Variants in IL6R observed in about 807,000 individuals in gnomAD.
IL6R encodes interleukin 6 receptor.
A neutral mutation model predicts 48.3 loss-of-function variants in IL6R; 38 were observed. The observed-to-expected ratio is 0.79, with a 90% CI of 0.61 to 1.03. The LOEUF (loss-of-function observed/expected upper bound fraction) is 1.03. IL6R is among the 50% of genes least tolerant of loss of function. The pLI, the probability that IL6R is intolerant of heterozygous loss-of-function variation, is 0.00. For synonymous variants in IL6R, 264 were observed against 256.2 expected (o/e 1.03, Z -0.29); for missense variants, 534 against 618.3 (o/e 0.86, Z 1.45).
intron 1 of IL6R, among the ~76,000 whole-genome samples, chr1:154,427,806 A>C (rs1689061920): frequency 6.6e-6 from 1 of 151,872 alleles, no homozygotes; most frequent in African/African-American, 2.4e-5. Context: ...GCCACCTTGG[A>C]TGGGGTGAAA....
intron 1 of IL6R, among the ~76,000 whole-genome samples, chr1:154,410,951 T>C (rs1687985939): frequency 6.6e-6 from 1 of 152,252 alleles, no homozygotes; most frequent in Non-Finnish European, 1.5e-5. Context: ...TGTGATCTCA[T>C]GTAATCTTCA....
chr1:154,415,430 C>T (rs1688282742), intron 1 of IL6R, among the ~76,000 whole-genome samples: 1 of 152,206 alleles, frequency 6.6e-6, no homozygotes, highest in South Asian at 2.1e-4. Flanking sequence ...TTTAAATCTA[C>T]CAAATTCCTG....
At chr1:154,452,156 C>A (rs1398964203) in intron 8 of IL6R, among the ~76,000 whole-genome samples, 2 of 152,196 alleles carry the variant, frequency 1.3e-5, no homozygotes, top group Non-Finnish European at 2.9e-5. Context: ...CTAGTCTTAA[C>A]CCCCAACCAA....
At chr1:154,407,703 C>G (rs948268010) in intron 1 of IL6R, among the ~76,000 whole-genome samples, 1 of 152,150 alleles carries the variant, frequency 6.6e-6, no homozygotes, top group Non-Finnish European at 1.5e-5. Context: ...GTACAGCCTG[C>G]GGGGCTCTTA....
intron 2 of IL6R, 147 bp downstream of exon 2, chr1:154,429,591 A>G: frequency 1.1e-6 from 1 of 944,474 alleles, no homozygotes; most frequent in South Asian, 1.7e-5. Flanking sequence ...TCTGCCATCC[A>G]GATGCTGGCA....
chr1:154,449,867 G>T (rs767648341), intron 7 of IL6R, 44 bp from the exon 8 acceptor site: 29 of 1,271,450 alleles, frequency 2.3e-5, no homozygotes, highest in Middle Eastern at 1.8e-4. Context: ...GAATGATGGT[G>T]CAATCTGCAG....
intron 1 of IL6R, 67 bp from the exon 2 acceptor site, chr1:154,429,129 T>G (rs28730732): frequency 2.6e-6 from 4 of 1,552,532 alleles, no homozygotes; most frequent in Middle Eastern, 1.7e-4. Context: ...CGTGGCTTCC[T>G]CAGACCAGAA....
chr1:154,451,618 T>C (rs1189054431), intron 8 of IL6R, among the ~76,000 whole-genome samples: 1 of 152,076 alleles, frequency 6.6e-6, no homozygotes, highest in Non-Finnish European at 1.5e-5. Context: ...TTTCTTTTTT[T>C]TGAGACGGAG....
At chr1:154,421,982 T>G (rs1253197591) in intron 1 of IL6R, among the ~76,000 whole-genome samples, 1 of 151,856 alleles carries the variant, frequency 6.6e-6, no homozygotes, top group Non-Finnish European at 1.5e-5. Flanking sequence ...GTTTCACTTT[T>G]GTGGCCCAGG....
Position 154,430,489 on chromosome 1 carries a change from C to T in IL6R, c.341C>T (p.Pro114Leu). 1 of 1,613,602 alleles carries T rather than the reference C, an allele frequency of 6.2e-7. No individual in the cohort carries two copies. The highest frequency in any genetic ancestry group is 8.5e-7 in the Non-Finnish European group (1 of 1,179,898). ...GTVHLLVDVPPEEPQLSCFRK... is the reference protein window; with the variant it reads ...GTVHLLVDVPLEEPQLSCFRK... ...TGCAATGCTTTCCTTTCAGTTCCCC[C>T]CGAGGAGCCCCAGCTCTCCTGCTTC... The change falls in exon 3 of 10, where the codon CCC becomes CTC. Residue 114 changes from proline to leucine, a missense_variant. By Grantham distance (98) the Pro-to-Leu change is moderately conservative (BLOSUM62 -3). Coordinates refer to ENST00000368485, the MANE Select transcript of IL6R (RefSeq NM_000565.4).
chr1:154,457,154 C>T (rs1016039513), intron 9 of IL6R, among the ~76,000 whole-genome samples: 2 of 151,822 alleles, frequency 1.3e-5, no homozygotes, highest in Non-Finnish European at 2.9e-5. Context: ...GAAACTCCGT[C>T]TCTACTAAAA....
At chr1:154,457,802 C>A (rs1192253671) in intron 9 of IL6R, among the ~76,000 whole-genome samples, 3 of 152,120 alleles carry the variant, frequency 2.0e-5, no homozygotes, top group Non-Finnish European at 2.9e-5. Flanking sequence ...GCACTCTGTC[C>A]TTTCTACATG....
chr1:154,462,374 CT>C (rs34351697), intron 9 of IL6R, among the ~76,000 whole-genome samples: 173 of 137,138 alleles, frequency 1.3e-3, no homozygotes, highest in Non-Finnish European at 1.3e-3. Context: ...AAATCTCAGA[CT>C]TTTTTTTTTT....
chr1:154,465,401 G>A lies in IL6R; in HGVS notation c.*21G>A. The A allele has an allele frequency of 6.2e-7, 1 of 1,613,240 alleles. No individual in the cohort carries two copies. The highest frequency in any genetic ancestry group is 1.3e-5 in the African/African-American group (1 of 75,054). ...GATAGCTGGCTGGGTGGCACCAGCA[G>A]CCTGGACCCTGTGGATGATAAAACA... On this transcript the variant is annotated 3_prime_UTR_variant, in exon 10 of 10. Coordinates refer to ENST00000368485, the MANE Select transcript of IL6R (RefSeq NM_000565.4).
chr1:154,420,514 T>A (rs766583913), intron 1 of IL6R, among the ~76,000 whole-genome samples: 66 of 150,114 alleles, frequency 4.4e-4, no homozygotes, highest in Non-Finnish European at 8.0e-4. Context: ...TATTTTATTT[T>A]ATTTATTTAT....
At position 154,430,492 on chromosome 1, in the gene IL6R, A is replaced by T. The variant is rs749116155; in HGVS notation, c.344A>T (p.Glu115Val). ...TVHLLVDVPP[E>V]EPQLSCFRKS... is the part of the protein sequence containing the mutation. Reference sequence around the variant, plus strand: ...AATGCTTTCCTTTCAGTTCCCCCCGAGGAGCCCCAGCTCTCCTGCTTCCGG... The same window carrying T: ...AATGCTTTCCTTTCAGTTCCCCCCGTGGAGCCCCAGCTCTCCTGCTTCCGG... The change falls in exon 3 of 10, where the codon GAG (glutamate) becomes GTG (valine). Residue 115 changes from glutamate to valine, a missense_variant. Glu to Val is a moderately radical substitution (Grantham distance 121). Transcript: ENST00000368485. 9 of 1,613,490 alleles carry T rather than the reference A, an allele frequency of 5.6e-6. 1 individual carries two copies. In the South Asian group the frequency reaches 9.9e-5, roughly 18 times the overall value.
chr1:154,429,417 G>C lies in IL6R; in HGVS notation c.307G>C (p.Ala103Pro), dbSNP rs766108946. ...TTCATGCTACCGGGCCGGCCGCCCA[G>C]CTGGGACTGTGCACTTGCTGGTGGA... ...NYSCYRAGRP[A>P]GTVHLLVDVP... The change falls in exon 2 of 10, where the codon GCT (alanine) becomes CCT (proline). Residue 103 changes from alanine to proline, a missense_variant. Coordinates refer to ENST00000368485, the MANE Select transcript of IL6R (RefSeq NM_000565.4). The C allele has an allele frequency of 6.2e-7, 1 of 1,613,258 alleles. No individual in the cohort carries two copies. Among genetic ancestry groups the C allele is most frequent in the Non-Finnish European group, 8.5e-7 (1 of 1,179,340 alleles).
At chr1:154,414,825 G>A in intron 1 of IL6R, 2 of 749,874 alleles carry the variant, frequency 2.7e-6, no homozygotes, top group Non-Finnish European at 4.9e-6. Context: ...ACAGCAGGAA[G>A]AGGAGATTGA....
intron 3 of IL6R, 48 bp downstream of exon 3, chr1:154,430,654 G>A (rs372738779): frequency 1.6e-5 from 25 of 1,612,676 alleles, no homozygotes; most frequent in Middle Eastern, 1.6e-4. Flanking sequence ...CCTCCTTCCC[G>A]AGGCCCCCCA....
Sources: gnomAD v4.1 joint callset for allele counts (sites outside exome capture counted in the v4.1 genomes callset) on GRCh38, gnomAD v4.1.1 for gene constraint, MANE v1.5 for transcripts, NCBI Gene and HGNC (gene_info 2026-07-23, HGNC 2026-07-21) for gene names.